Variants in DIS3L2 observed in about 807,000 individuals in gnomAD.
The protein encoded by DIS3L2 is DIS3-like exonuclease 2.
Under a neutral mutation model 97.5 loss-of-function variants are expected in DIS3L2, and 34 were observed. The ratio of observed to expected loss-of-function variants is 0.35; its 90% CI spans 0.27 to 0.46. The LOEUF (loss-of-function observed/expected upper bound fraction) is 0.46, where lower values mean the gene tolerates loss of function less well. Among genes scored for constraint, DIS3L2 ranks in the 20% least tolerant of loss-of-function variants. DIS3L2 has a pLI of 1.00. For synonymous variants in DIS3L2, 435 were observed against 445.2 expected (o/e 0.98, Z 0.29); for missense variants, 1,038 against 1,146.0 (o/e 0.91, Z 1.36).
At chr2:232,220,960 G>A (rs1178629715) in intron 10 of DIS3L2, among the ~76,000 whole-genome samples, 3 of 151,638 alleles carry the variant, frequency 2.0e-5, no homozygotes, top group Non-Finnish European at 2.9e-5. Flanking sequence ...AAAATTAGCC[G>A]GTGTGCTGGC....
chr2:232,084,304 C>T (rs1696505709), intron 5 of DIS3L2, among the ~76,000 whole-genome samples: 1 of 151,980 alleles, frequency 6.6e-6, no homozygotes, highest in Admixed American at 6.6e-5. Context: ...AAAATAAGGT[C>T]CTTTTTGGGA....
rs1694758513 is a variant in DIS3L2 at position 232,029,960 on chromosome 2, A to C, written c.265-19A>C. ...GTGTTTTTAAGCTCACTATTGTTTT[A>C]TTTCTTTTTCCAACCTAGGATGGTG... On this transcript the variant is annotated intron_variant, in intron 4 of 20. Coordinates refer to ENST00000325385, the MANE Select transcript of DIS3L2 (RefSeq NM_152383.5). 3.2e-6 allele frequency: 5 copies of C among 1,565,192 alleles called. No individual in the cohort carries two copies. In the East Asian group the frequency reaches 9.3e-5, roughly 29 times the overall value.
chr2:232,164,502 C>T (rs1690745083), intron 9 of DIS3L2, among the ~76,000 whole-genome samples: 1 of 152,202 alleles, frequency 6.6e-6, no homozygotes, highest in Admixed American at 6.5e-5. Flanking sequence ...ATGTCAAAGT[C>T]TTTTCCACCA....
chr2:232,221,597 A>T (rs547692986), intron 10 of DIS3L2, among the ~76,000 whole-genome samples: 95 of 152,298 alleles, frequency 6.2e-4, no homozygotes, highest in Admixed American at 6.2e-3. Flanking sequence ...TGAGGTCAGG[A>T]GTTAGAGACC....
intron 9 of DIS3L2, among the ~76,000 whole-genome samples, chr2:232,196,881 T>G (rs1445447321): frequency 6.6e-6 from 1 of 152,014 alleles, no homozygotes; most frequent in Non-Finnish European, 1.5e-5. Flanking sequence ...ATTGTAATGC[T>G]TCTTCTCATA....
At chr2:232,070,322 C>G (rs764830690) in intron 5 of DIS3L2, among the ~76,000 whole-genome samples, 2 of 140,048 alleles carry the variant, frequency 1.4e-5, no homozygotes, top group African/African-American at 5.0e-5. Context: ...TTCTAGTTTA[C>G]CCAGATTTAC....
chr2:232,017,793 A>C (rs556812192), intron 3 of DIS3L2, among the ~76,000 whole-genome samples: 14 of 152,216 alleles, frequency 9.2e-5, no homozygotes, highest in African/African-American at 2.9e-4. Flanking sequence ...TCCGTGCCTA[A>C]ATGTTACCCA....
intron 5 of DIS3L2, among the ~76,000 whole-genome samples, chr2:232,057,641 T>C (rs1695584067): frequency 6.6e-6 from 1 of 152,134 alleles, no homozygotes; most frequent in South Asian, 2.1e-4. Flanking sequence ...CGTTAAACCA[T>C]AGATGAGATA....
intron 5 of DIS3L2, among the ~76,000 whole-genome samples, chr2:232,043,249 C>A (rs1695155919): frequency 6.6e-6 from 1 of 152,052 alleles, no homozygotes; most frequent in Non-Finnish European, 1.5e-5. Context: ...CAGAAGTGCT[C>A]CCTTTCTCTG....
intron 1 of DIS3L2, among the ~76,000 whole-genome samples, chr2:231,994,815 C>CTTTTTTT (rs560154000): frequency 1.5e-5 from 2 of 134,464 alleles, no homozygotes; most frequent in African/African-American, 2.8e-5. Flanking sequence ...CATTCTTTTT[C>CTTTTTTT]TTTTTTTTTT....
At chr2:232,008,999 C>CT (rs1443890960) in intron 1 of DIS3L2, among the ~76,000 whole-genome samples, 2 of 152,154 alleles carry the variant, frequency 1.3e-5, no homozygotes, top group African/African-American at 2.4e-5. Flanking sequence ...TCCTCTTGAG[C>CT]TTCTCTAGTG....
intron 13 of DIS3L2, among the ~76,000 whole-genome samples, chr2:232,284,250 T>C (rs1445995588): frequency 1.3e-5 from 2 of 152,108 alleles, no homozygotes; most frequent in Admixed American, 6.5e-5. Flanking sequence ...TTAGGCTCTC[T>C]CGACTTATGG....
At chr2:232,052,348 C>T (rs1695434492) in intron 5 of DIS3L2, among the ~76,000 whole-genome samples, 1 of 152,164 alleles carries the variant, frequency 6.6e-6, no homozygotes, top group Non-Finnish European at 1.5e-5. Context: ...TTTTTGTTTA[C>T]AGAGTTAAAT....
chr2:232,302,309 C>A lies in DIS3L2; in HGVS notation c.1739+2190C>A, dbSNP rs577793118. Among the ~76,000 whole-genome samples, 38 of 151,630 alleles carry A rather than the reference C, an allele frequency of 2.5e-4. No individual in the cohort carries two copies. In the South Asian group the frequency reaches 7.9e-3, roughly 32 times the overall value. On this transcript the variant is annotated intron_variant, in intron 14 of 20. Transcript: ENST00000325385. ...GTAAATGATGAGTTAATGGGTGCAG[C>A]ACATCAACATGGCACATGTATACAT...
At chr2:232,038,254 C>T (rs1257768504) in intron 5 of DIS3L2, among the ~76,000 whole-genome samples, 3 of 152,034 alleles carry the variant, frequency 2.0e-5, no homozygotes, top group Non-Finnish European at 4.4e-5. Flanking sequence ...GGAAACATTC[C>T]TAGAGGTCAT....
chr2:232,017,375 A>T (rs1375658806), intron 3 of DIS3L2, among the ~76,000 whole-genome samples: 1 of 152,192 alleles, frequency 6.6e-6, no homozygotes, highest in Non-Finnish European at 1.5e-5. Flanking sequence ...CTGGGATTAC[A>T]GGCATGAGCC....
At chr2:231,972,139 C>T (rs975383926) in intron 1 of DIS3L2, among the ~76,000 whole-genome samples, 7 of 151,500 alleles carry the variant, frequency 4.6e-5, no homozygotes, top group Admixed American at 2.0e-4. Context: ...GAGCCGAGAT[C>T]GCGCCACTGC....
chr2:232,298,981 T>G (rs1694790645), intron 13 of DIS3L2, among the ~76,000 whole-genome samples: 1 of 152,188 alleles, frequency 6.6e-6, no homozygotes, highest in Non-Finnish European at 1.5e-5. Flanking sequence ...TGTCTCAAAG[T>G]TAACATGTCC....
intron 1 of DIS3L2, among the ~76,000 whole-genome samples, chr2:231,984,448 G>T (rs1693353415): frequency 6.8e-6 from 1 of 146,314 alleles, no homozygotes; most frequent in South Asian, 2.2e-4. Flanking sequence ...GTGCAGTGGC[G>T]CGATCTCGGC....
Sources: allele counts gnomAD v4.1 joint callset (sites outside exome capture counted in the v4.1 genomes callset), GRCh38; gene constraint gnomAD v4.1.1; transcripts MANE v1.5; gene names NCBI Gene and HGNC (gene_info 2026-07-23, HGNC 2026-07-21).